Variants in ZMYM2 observed in about 807,000 individuals in gnomAD.
The protein encoded by ZMYM2 is zinc finger MYM-type containing 2.
In ZMYM2, 56 loss-of-function variants were observed where a neutral mutation model predicts 162.8. The observed-to-expected ratio is 0.34, with a 90% confidence interval of 0.28 to 0.43. ZMYM2 has a LOEUF of 0.43. Ranked by LOEUF, ZMYM2 falls within the 20% of genes least tolerant of loss-of-function variation. The pLI, the probability that ZMYM2 is intolerant of heterozygous loss-of-function variation, is 1.00. For missense variants in ZMYM2, 1,275 were observed against 1,621.8 expected, an observed-to-expected ratio of 0.79 and a Z score of 3.67; for synonymous variants, 510 against 541.6, an observed-to-expected ratio of 0.94 and a Z score of 0.81.
chr13:19,909,830 G>A, the ZMYM2 span, among the ~76,000 whole-genome samples: 4 of 152,074 alleles, frequency 2.6e-5, no homozygotes, highest in African/African-American at 7.2e-5. Context: ...ATAACTTCTC[G>A]TGTTTCTAAT....
At chr13:20,061,340 A>T in intron 17 of ZMYM2, 116 bp downstream of exon 17, 1 of 1,152,044 alleles carries the variant, frequency 8.7e-7, no homozygotes, top group Non-Finnish European at 1.2e-6. Context: ...GGGGTGAGGA[A>T]AGCATTGTAA....
At chr13:19,863,976 C>T in the ZMYM2 span, 2 of 151,926 alleles carry the variant, frequency 1.3e-5, no homozygotes, top group Non-Finnish European at 2.9e-5. Flanking sequence ...TTCGGCCCCT[C>T]GGGGCCCGGG....
the ZMYM2 span, among the ~76,000 whole-genome samples, chr13:19,874,165 C>T: frequency 6.6e-6 from 1 of 152,152 alleles, no homozygotes; most frequent in East Asian, 1.9e-4. Context: ...CCTCATTCAT[C>T]AAATACTTAT....
intron 3 of ZMYM2, among the ~76,000 whole-genome samples, chr13:20,002,455 G>A (rs145314740): frequency 2.1e-3 from 313 of 152,276 alleles, no homozygotes; most frequent in Middle Eastern, 0.01. Context: ...TCTTGTAAGC[G>A]ATGGAGCTAG....
chr13:20,084,923 C>T lies in ZMYM2; in HGVS notation c.3942-899C>T, dbSNP rs140621865. Among the ~76,000 whole-genome samples, 1,388 of 152,250 alleles carry T rather than the reference C, an allele frequency of 9.1e-3. 20 individuals are homozygous for T. Among genetic ancestry groups the T allele is most frequent in the African/African-American group, 0.031 (1,302 of 41,548 alleles). On this transcript the variant is annotated intron_variant, in intron 24 of 24. Coordinates refer to ENST00000610343, the MANE Select transcript of ZMYM2 (RefSeq NM_197968.4). Reference sequence around the variant, plus strand: ...TTAGTACAAGTTGAATGCGCCTTATCCAAAATGCTTCTGACCAGAAGTGTT... The same window carrying T: ...TTAGTACAAGTTGAATGCGCCTTATTCAAAATGCTTCTGACCAGAAGTGTT...
intron 7 of ZMYM2, among the ~76,000 whole-genome samples, chr13:20,021,885 G>A (rs1425813412): frequency 6.6e-6 from 1 of 152,170 alleles, no homozygotes; most frequent in East Asian, 1.9e-4. Context: ...TTTAAGATCA[G>A]AGCTTTTTTG....
chr13:19,932,216 G>A, the ZMYM2 span, among the ~76,000 whole-genome samples: 1 of 152,150 alleles, frequency 6.6e-6, no homozygotes, highest in Non-Finnish European at 1.5e-5. Context: ...GAACTGAATT[G>A]TGTTTCCCCC....
At chr13:19,950,365 G>A in the ZMYM2 span, among the ~76,000 whole-genome samples, 35 of 152,200 alleles carry the variant, frequency 2.3e-4, no homozygotes, top group East Asian at 5.8e-4. Context: ...AAGTTTAGCC[G>A]AAAACCACCT....
chr13:19,998,674 T>G (rs942732685), intron 3 of ZMYM2, among the ~76,000 whole-genome samples: 1 of 152,176 alleles, frequency 6.6e-6, no homozygotes. Context: ...ATAAGTTTGG[T>G]GTGTTCTTGT....
the ZMYM2 span, among the ~76,000 whole-genome samples, chr13:19,911,977 T>C: frequency 6.6e-6 from 1 of 152,224 alleles, no homozygotes; most frequent in Non-Finnish European, 1.5e-5. Flanking sequence ...ACTCATCTAT[T>C]TGGCCCCTGT....
chr13:19,954,126 A>ATTTTTTTTTTTTTTTTTTTTTTTTTTT (rs781288600), upstream of ZMYM2, among the ~76,000 whole-genome samples: 22 of 64,912 alleles, frequency 3.4e-4, 10 homozygotes, highest in Non-Finnish European at 6.5e-4. Flanking sequence ...GCTATGTTTA[A>ATTTTTTTTTTTTTTTTTTTTTTTTTTT]TTTTTTTTTT....
In ZMYM2 at chr13:20,040,945, G is replaced by C. The variant is rs575851918; in HGVS notation, c.2292+4036G>C. Reference sequence around the variant, plus strand: ...ATTTCTTAGTCTTGACTTCTAATTTGATTGTACTGTGATCCAAGAGACTTT... The same window carrying C: ...ATTTCTTAGTCTTGACTTCTAATTTCATTGTACTGTGATCCAAGAGACTTT... On this transcript the variant is annotated intron_variant, in intron 12 of 24. Transcript: ENST00000610343. Among the ~76,000 whole-genome samples the C allele has an allele frequency of 5.9e-5, 9 of 152,252 alleles. No individual in the cohort carries two copies. In the South Asian group the frequency reaches 1.9e-3, roughly 32 times the overall value.
the ZMYM2 span, among the ~76,000 whole-genome samples, chr13:19,885,402 C>T: frequency 6.6e-6 from 1 of 152,178 alleles, no homozygotes; most frequent in East Asian, 1.9e-4. Context: ...TCCCATCTTT[C>T]TTTACTGAAG....
chr13:19,910,865 C>A, the ZMYM2 span, among the ~76,000 whole-genome samples: 2 of 152,152 alleles, frequency 1.3e-5, no homozygotes, highest in South Asian at 4.2e-4. Context: ...TCCAAGTAGT[C>A]TAACTCTGGG....
intron 2 of ZMYM2, among the ~76,000 whole-genome samples, chr13:19,974,254 T>C (rs1379894857): frequency 6.6e-6 from 1 of 152,214 alleles, no homozygotes; most frequent in East Asian, 1.9e-4. Flanking sequence ...CGAGAGATAC[T>C]GTGTGTGGTG....
the ZMYM2 span, among the ~76,000 whole-genome samples, chr13:19,934,013 C>T: frequency 6.6e-6 from 1 of 152,060 alleles, no homozygotes; most frequent in African/African-American, 2.4e-5. Flanking sequence ...TCTCTATCAC[C>T]ACATTTTATT....
At chr13:19,887,765 A>G in the ZMYM2 span, among the ~76,000 whole-genome samples, 1 of 151,886 alleles carries the variant, frequency 6.6e-6, no homozygotes, top group Non-Finnish European at 1.5e-5. Flanking sequence ...ATCATTTATT[A>G]GCTCATCGTT....
the ZMYM2 span, among the ~76,000 whole-genome samples, chr13:19,885,983 A>ATACACATATATATGTG: frequency 1.9e-5 from 1 of 52,698 alleles, no homozygotes; most frequent in African/African-American, 4.9e-5. Flanking sequence ...ATATATATGT[A>ATACACATATATATGTG]TATACACATA....
the ZMYM2 span, among the ~76,000 whole-genome samples, chr13:19,897,072 CAAA>C: frequency 3.6e-5 from 4 of 111,424 alleles, no homozygotes; most frequent in Admixed American, 9.6e-5. Context: ...GACTCTGCCT[CAAA>C]AAAAAAAAAA....
Sources: allele counts gnomAD v4.1 joint callset (sites outside exome capture counted in the v4.1 genomes callset), GRCh38; gene constraint gnomAD v4.1.1; transcripts MANE v1.5; gene names NCBI Gene and HGNC (gene_info 2026-07-23, HGNC 2026-07-21).